The following MAF variants were observed in gnomAD, a reference collection of about 807,000 sequenced individuals.
The protein encoded by MAF is transcription factor Maf.
MAF carries 10 observed loss-of-function variants against 22.0 expected under a neutral mutation model. The ratio of observed to expected loss-of-function variants is 0.45; its 90% confidence interval spans 0.28 to 0.77. The LOEUF is 0.77. Ranked by LOEUF, MAF falls within the 30% of genes least tolerant of loss-of-function variation. The pLI is 0.12. For missense variants in MAF, 544 were observed against 548.4 expected (o/e 0.99, Z 0.08); for synonymous variants, 337 against 255.8 (o/e 1.32, Z -3.03).
chr16:79,486,401 T>A, the MAF span, among the ~76,000 whole-genome samples: 1 of 152,208 alleles, frequency 6.6e-6, no homozygotes, highest in African/African-American at 2.4e-5. Flanking sequence ...TATTTTTAAC[T>A]CTTAGGACAA....
chr16:79,507,060 G>A, the MAF span, among the ~76,000 whole-genome samples: 1 of 150,626 alleles, frequency 6.6e-6, no homozygotes, highest in African/African-American at 2.4e-5. Context: ...TGCTGTTTGT[G>A]TGTACCACTA....
the MAF span, among the ~76,000 whole-genome samples, chr16:79,233,948 C>T: frequency 6.7e-6 from 1 of 150,342 alleles, no homozygotes; most frequent in East Asian, 1.9e-4. Context: ...GCCGAGATCA[C>T]TCAACTGCAC....
At chr16:79,242,369 A>G in the MAF span, among the ~76,000 whole-genome samples, 1 of 151,678 alleles carries the variant, frequency 6.6e-6, no homozygotes, top group African/African-American at 2.4e-5. Context: ...TGGGAAGCAA[A>G]AAAAAAAGAA....
the MAF span, among the ~76,000 whole-genome samples, chr16:79,525,843 A>G: frequency 1.3e-5 from 2 of 152,208 alleles, no homozygotes; most frequent in Non-Finnish European, 2.9e-5. Context: ...TGAAGAGTGC[A>G]ATGTACCAAG....
chr16:79,403,616 C>G, the MAF span, among the ~76,000 whole-genome samples: 1 of 152,176 alleles, frequency 6.6e-6, no homozygotes, highest in Admixed American at 6.5e-5. Context: ...CTTGCCTGAC[C>G]CACGAGGCTG....
chr16:79,519,702 T>A, the MAF span, among the ~76,000 whole-genome samples: 2 of 152,214 alleles, frequency 1.3e-5, no homozygotes, highest in South Asian at 4.2e-4. Flanking sequence ...CTGCCTGTGG[T>A]TTTCACTGCT....
chr16:79,472,863 G>C, the MAF span, among the ~76,000 whole-genome samples: 2 of 151,978 alleles, frequency 1.3e-5, no homozygotes, highest in Non-Finnish European at 2.9e-5. Context: ...GGAACAAGCA[G>C]TAAAAGAGCA....
chr16:79,557,181 A>G, the MAF span, among the ~76,000 whole-genome samples: 2 of 94,590 alleles, frequency 2.1e-5, no homozygotes, highest in South Asian at 3.6e-4. Flanking sequence ...TTTTTATTCA[A>G]TTCCATTGCT....
the MAF span, among the ~76,000 whole-genome samples, chr16:79,332,710 T>C: frequency 6.6e-6 from 1 of 152,256 alleles, no homozygotes; most frequent in Non-Finnish European, 1.5e-5. Flanking sequence ...CGCAGTACTA[T>C]TACAAGTCTC....
chr16:79,495,265 C>T, the MAF span, among the ~76,000 whole-genome samples: 1 of 152,078 alleles, frequency 6.6e-6, no homozygotes, highest in East Asian at 1.9e-4. Flanking sequence ...AGTTGGAGAC[C>T]AGCCTAGACA....
the MAF span, among the ~76,000 whole-genome samples, chr16:79,328,874 G>A: frequency 1.3e-5 from 2 of 152,194 alleles, no homozygotes; most frequent in Non-Finnish European, 2.9e-5. Flanking sequence ...CTGCCAAGGC[G>A]TTTAACTCTC....
chr16:79,387,551 G>T, the MAF span, among the ~76,000 whole-genome samples: 1 of 152,138 alleles, frequency 6.6e-6, no homozygotes, highest in Non-Finnish European at 1.5e-5. Context: ...GTAAGGCAAT[G>T]GCGACCAGTG....
chr16:79,353,619 T>G, the MAF span, among the ~76,000 whole-genome samples: 1 of 152,152 alleles, frequency 6.6e-6, no homozygotes, highest in South Asian at 2.1e-4. Context: ...GATCCTGGTG[T>G]TCCTGGACTG....
At chr16:79,225,930 G>A in the MAF span, among the ~76,000 whole-genome samples, 3 of 152,288 alleles carry the variant, frequency 2.0e-5, no homozygotes, top group East Asian at 3.9e-4. Context: ...CACTGTTGGT[G>A]AGAGTGTAAA....
chr16:79,357,334 C>T, the MAF span, among the ~76,000 whole-genome samples: 2 of 152,158 alleles, frequency 1.3e-5, no homozygotes, highest in African/African-American at 4.8e-5. Flanking sequence ...CCTGTAATCC[C>T]AGCTACTCGG....
At chr16:79,255,356 C>T in the MAF span, among the ~76,000 whole-genome samples, 1 of 152,198 alleles carries the variant, frequency 6.6e-6, no homozygotes, top group Non-Finnish European at 1.5e-5. Flanking sequence ...TCAGAAGTGA[C>T]TAAGAAGAGC....
At chr16:79,361,695 G>C in the MAF span, among the ~76,000 whole-genome samples, 1 of 146,240 alleles carries the variant, frequency 6.8e-6, no homozygotes. Flanking sequence ...TTTTTCTTTT[G>C]GTTGTTTTAT....
the MAF span, among the ~76,000 whole-genome samples, chr16:79,328,947 G>A: frequency 3.9e-5 from 6 of 152,128 alleles, no homozygotes; most frequent in Admixed American, 3.3e-4. Flanking sequence ...GTACATCATT[G>A]CATCTGTCAT....
chr16:79,571,313 T>C, the MAF span, among the ~76,000 whole-genome samples: 1 of 152,000 alleles, frequency 6.6e-6, no homozygotes, highest in Non-Finnish European at 1.5e-5. Context: ...TTTTACATAG[T>C]GATCCCAGAT....
Sources: allele counts gnomAD v4.1 joint callset (sites outside exome capture counted in the v4.1 genomes callset), GRCh38; gene constraint gnomAD v4.1.1; transcripts MANE v1.5; gene names NCBI Gene and HGNC (gene_info 2026-07-23, HGNC 2026-07-21).